Variants in JMJD1C observed in about 807,000 individuals in gnomAD.
JMJD1C encodes jumonji domain containing 1C.
JMJD1C carries 31 observed loss-of-function variants against 245.3 expected under a neutral mutation model. The ratio of observed to expected loss-of-function variants is 0.13; its 90% CI spans 0.09 to 0.17. JMJD1C has a LOEUF of 0.17. JMJD1C is among the 10% of genes least tolerant of loss of function. The pLI is 1.00. For missense variants in JMJD1C, 2,691 were observed against 3,000.2 expected (o/e 0.90, Z 2.41); for synonymous variants, 1,057 against 1,017.4 (o/e 1.04, Z -0.74).
rs747048174 is a variant in JMJD1C, at chr10:63,465,757, C to T, written c.-95G>A. ...GCCGCTCATGCTGAGGAGAGCGGAC[C>T]GGGACACAGCAGCGGACCCGAAAGA... On this transcript the variant is annotated 5_prime_UTR_variant, in exon 1 of 26. Transcript: ENST00000399262. 1.4e-6 allele frequency: 2 copies of T among 1,422,758 alleles called. No homozygotes were observed. 88.1% of individuals were successfully genotyped at this position (1,422,758 alleles called of 1,614,324 possible). A position where few individuals can be genotyped will look rare whatever the true frequency, so the allele number is the denominator to read the frequency against.
intron 2 of JMJD1C, among the ~76,000 whole-genome samples, chr10:63,310,927 A>C (rs1332229065): frequency 6.6e-6 from 1 of 152,146 alleles, no homozygotes; most frequent in Non-Finnish European, 1.5e-5. Context: ...TATTTGGGGG[A>C]TTTACAGCAA....
intron 24 of JMJD1C, among the ~76,000 whole-genome samples, chr10:63,168,922 AATCT>A (rs1397617914): frequency 1.3e-5 from 2 of 152,172 alleles, no homozygotes; most frequent in Admixed American, 1.3e-4. Context: ...TTTATGAGGC[AATCT>A]ATCTGAGTAT....
At chr10:63,311,412 A>C (rs1000275205) in intron 2 of JMJD1C, among the ~76,000 whole-genome samples, 1 of 151,960 alleles carries the variant, frequency 6.6e-6, no homozygotes, top group Non-Finnish European at 1.5e-5. Flanking sequence ...TAAACTCAGT[A>C]ACTCCACTTT....
intron 1 of JMJD1C, among the ~76,000 whole-genome samples, chr10:63,426,068 T>C (rs781781273): frequency 3.9e-5 from 6 of 152,176 alleles, no homozygotes; most frequent in African/African-American, 7.2e-5. Context: ...TAAAAGGATG[T>C]GACACAATGC....
intron 1 of JMJD1C, among the ~76,000 whole-genome samples, chr10:63,480,561 A>G (rs1439084439): frequency 2.0e-5 from 3 of 152,050 alleles, no homozygotes; most frequent in African/African-American, 7.3e-5. Flanking sequence ...TGTGAGCACA[A>G]TGGTTACAGG....
intron 2 of JMJD1C, among the ~76,000 whole-genome samples, chr10:63,275,042 T>C (rs1856654084): frequency 6.6e-6 from 1 of 152,126 alleles, no homozygotes; most frequent in South Asian, 2.1e-4. Context: ...AAAATATAGG[T>C]ATTTTTAAAA....
intron 1 of JMJD1C, among the ~76,000 whole-genome samples, chr10:63,473,271 G>A (rs1010902738): frequency 6.6e-6 from 1 of 151,214 alleles, no homozygotes; most frequent in Non-Finnish European, 1.5e-5. Flanking sequence ...TTTGAGACAC[G>A]GTCTCACTCT....
intron 2 of JMJD1C, among the ~76,000 whole-genome samples, chr10:63,334,946 G>C (rs1272808245): frequency 6.8e-6 from 1 of 147,632 alleles, no homozygotes; most frequent in Non-Finnish European, 1.5e-5. Flanking sequence ...GACCTCAGGT[G>C]ATCCTCCCGC....
At chr10:63,419,415 T>C (rs1359110583) in intron 1 of JMJD1C, among the ~76,000 whole-genome samples, 1 of 151,882 alleles carries the variant, frequency 6.6e-6, no homozygotes, top group Non-Finnish European at 1.5e-5. Flanking sequence ...AGATAAGATA[T>C]ACTTTAAGTT....
rs570976178 is a variant in JMJD1C at position 63,455,617 on chromosome 10, G to A, written c.168+9878C>T. ...TACCAGATTCAGATTTTTTTTTCAA[G>A]AAAAGTTTCTCTCTTTAAAAATGGC... On this transcript the variant is annotated intron_variant, in intron 1 of 25. Coordinates refer to ENST00000399262, the MANE Select transcript of JMJD1C (RefSeq NM_032776.3). Among the ~76,000 whole-genome samples the A allele has an allele frequency of 4.5e-4, 68 of 151,794 alleles. No individual in the cohort carries two copies. The South Asian group carries it at 9.4e-3, about 21-fold the overall frequency.
At chr10:63,484,439 T>G (rs955024417) in intron 1 of JMJD1C, among the ~76,000 whole-genome samples, 3 of 152,188 alleles carry the variant, frequency 2.0e-5, no homozygotes, top group Non-Finnish European at 1.5e-5. Context: ...TATGTAACTT[T>G]TCCAAATATA....
At chr10:63,443,903 G>A (rs1951539487) in intron 1 of JMJD1C, among the ~76,000 whole-genome samples, 1 of 152,140 alleles carries the variant, frequency 6.6e-6, no homozygotes, top group South Asian at 2.1e-4. Context: ...TCTGTGCCAG[G>A]AACTGGGAAC....
chr10:63,448,435 G>A (rs1409977355), intron 1 of JMJD1C, among the ~76,000 whole-genome samples: 3 of 152,154 alleles, frequency 2.0e-5, no homozygotes, highest in Non-Finnish European at 4.4e-5. Context: ...GGAATTACAG[G>A]TGTGAGCCTC....
At chr10:63,395,604 G>C (rs1350079510) in intron 1 of JMJD1C, among the ~76,000 whole-genome samples, 1 of 152,196 alleles carries the variant, frequency 6.6e-6, no homozygotes, top group Non-Finnish European at 1.5e-5. Context: ...TCCATACTTA[G>C]ATATTCACCC....
intron 24 of JMJD1C, among the ~76,000 whole-genome samples, chr10:63,168,948 C>T (rs866145005): frequency 6.6e-6 from 1 of 152,130 alleles, no homozygotes; most frequent in South Asian, 2.1e-4. Flanking sequence ...TTTATTGTTG[C>T]TCCATTGGCT....
In JMJD1C at chr10:63,167,904, G is replaced by A; in HGVS notation, c.*141C>T. On this transcript the variant is annotated 3_prime_UTR_variant, in exon 26 of 26. Coordinates refer to ENST00000399262, the MANE Select transcript of JMJD1C (RefSeq NM_032776.3). ...GTGACATATGCTATACTGCTGTGGT[G>A]TCAGTAACAAGTAATTACTACAAAG... The A allele has an allele frequency of 1.6e-6, 1 of 613,102 alleles. No homozygotes were observed. Among genetic ancestry groups the A allele is most frequent in the Non-Finnish European group, 2.9e-6 (1 of 341,984 alleles). 38.0% of individuals were successfully genotyped at this position (613,102 alleles called of 1,614,324 possible).
intron 1 of JMJD1C, among the ~76,000 whole-genome samples, chr10:63,413,909 G>A (rs1340307751): frequency 1.3e-5 from 2 of 151,174 alleles, no homozygotes; most frequent in Non-Finnish European, 2.9e-5. Flanking sequence ...ATAGTGAAGA[G>A]TAACTGATAC....
chr10:63,488,872 GT>G, intron 1 of JMJD1C, among the ~76,000 whole-genome samples: 1 of 152,156 alleles, frequency 6.6e-6, no homozygotes, highest in Non-Finnish European at 1.5e-5. Flanking sequence ...AGTGTGTTCA[GT>G]TTTTAAAAAT....
intron 3 of JMJD1C, among the ~76,000 whole-genome samples, chr10:63,246,306 A>G (rs1589271274): frequency 6.6e-6 from 1 of 152,208 alleles, no homozygotes. Context: ...AAACGAAGAG[A>G]GGATCCTAAA....
Sources: allele counts gnomAD v4.1 joint callset (sites outside exome capture counted in the v4.1 genomes callset), GRCh38; gene constraint gnomAD v4.1.1; transcripts MANE v1.5; gene names NCBI Gene and HGNC (gene_info 2026-07-23, HGNC 2026-07-21).